RIN2: variants seen among roughly 807,000 people sequenced by gnomAD.
The protein encoded by RIN2 is Ras and Rab interactor 2.
In RIN2, 36 loss-of-function variants were observed where a neutral mutation model predicts 78.0. The observed-to-expected ratio is 0.46, with a 90% confidence interval of 0.35 to 0.61. RIN2 has a LOEUF of 0.61. Among genes scored for constraint, RIN2 ranks in the 20% least tolerant of loss-of-function variants. RIN2 has a pLI of 0.00. For missense variants in RIN2, 1,087 were observed against 1,159.7 expected, an observed-to-expected ratio of 0.94 and a Z score of 0.91; for synonymous variants, 466 against 466.8, an observed-to-expected ratio of 1.00 and a Z score of 0.02.
intron 2 of RIN2, among the ~76,000 whole-genome samples, chr20:19,802,965 T>A (rs78502184): frequency 1.3e-3 from 192 of 152,304 alleles, no homozygotes; most frequent in African/African-American, 4.4e-3. Flanking sequence ...CTCTTTTATC[T>A]TCTCTTGTTC....
At position 20,000,662 on chromosome 20, in the gene RIN2, A is replaced by G; in HGVS notation, c.2414A>G (p.Lys805Arg). The G allele has an allele frequency of 6.2e-7, 1 of 1,611,454 alleles. No homozygotes were observed. Among genetic ancestry groups the G allele is most frequent in the Non-Finnish European group, 8.5e-7 (1 of 1,177,752 alleles). ...GAGGTCAACAGTGGTTGCACAGGAA[A>G]GACCCTCCTTGTGAGACCTTACATC... ...FQEVNSGCTGKTLLVRPYITT... is the reference protein window; with the variant it reads ...FQEVNSGCTGRTLLVRPYITT... Residue 805 changes from lysine (K) to arginine (R), a missense_variant, in exon 13 of 13, where the codon AAG (lysine) becomes AGG (arginine). This residue lies in a region of RIN2 where 160 missense variants were observed against 179.4 expected (regional missense o/e 0.89). Coordinates refer to ENST00000255006, the MANE Select transcript of RIN2 (RefSeq NM_018993.4).
Position 19,868,644 on chromosome 20 carries a change from A to G in RIN2, c.-36-20922A>G, listed in dbSNP as rs913167882. On this transcript the variant is annotated intron_variant, in intron 2 of 12. Coordinates refer to ENST00000255006, the MANE Select transcript of RIN2 (RefSeq NM_018993.4). Reference sequence around the variant, plus strand: ...TAGGGGCACACAGCCTATGTGAGATAAACAGACAGCTATAATCATGATGTT... The same window carrying G: ...TAGGGGCACACAGCCTATGTGAGATGAACAGACAGCTATAATCATGATGTT... 2.0e-5 allele frequency among the ~76,000 whole-genome samples: 3 copies of G among 152,166 alleles called. No individual in the cohort carries two copies. The East Asian group carries it at 5.8e-4, about 29-fold the overall frequency.
At chr20:19,958,925 G>C (rs913368886) in intron 5 of RIN2, among the ~76,000 whole-genome samples, 1 of 152,120 alleles carries the variant, frequency 6.6e-6, no homozygotes, top group African/African-American at 2.4e-5. Flanking sequence ...GGCTAAAAGT[G>C]TGTGAAAAAG....
intron 9 of RIN2, among the ~76,000 whole-genome samples, chr20:19,989,322 G>A (rs2042723239): frequency 7.3e-6 from 1 of 136,492 alleles, no homozygotes; most frequent in Admixed American, 8.5e-5. Flanking sequence ...CACCCAGGTT[G>A]GAGTGCAGTG....
intron 2 of RIN2, among the ~76,000 whole-genome samples, chr20:19,859,036 G>A (rs2037251265): frequency 6.6e-6 from 1 of 152,250 alleles, no homozygotes; most frequent in African/African-American, 2.4e-5. Flanking sequence ...GGACTCTGGA[G>A]TCCATAGGGC....
intron 1 of RIN2, among the ~76,000 whole-genome samples, chr20:19,786,960 G>A (rs570346071): frequency 6.6e-6 from 1 of 152,158 alleles, no homozygotes; most frequent in Non-Finnish European, 1.5e-5. Context: ...GATAGGATAG[G>A]TTACTGGAGA....
chr20:19,761,837 C>G (rs1330819137), intron 1 of RIN2, among the ~76,000 whole-genome samples: 1 of 152,182 alleles, frequency 6.6e-6, no homozygotes. Context: ...GAGAGCACTG[C>G]CTTTTTGCTG....
chr20:19,914,072 GGA>G (rs2039584474), intron 3 of RIN2, among the ~76,000 whole-genome samples: 1 of 152,202 alleles, frequency 6.6e-6, no homozygotes, highest in Admixed American at 6.5e-5. Flanking sequence ...TTGCGGTCTA[GGA>G]GAGCCAGGTG....
At chr20:19,867,477 T>C (rs1222401604) in intron 2 of RIN2, among the ~76,000 whole-genome samples, 2 of 152,240 alleles carry the variant, frequency 1.3e-5, no homozygotes, top group Non-Finnish European at 2.9e-5. Context: ...AATTGAGTTG[T>C]CACTTCTGTT....
intron 11 of RIN2, among the ~76,000 whole-genome samples, chr20:19,993,274 G>T (rs200344885): frequency 4.6e-4 from 67 of 146,920 alleles, no homozygotes; most frequent in Non-Finnish European, 8.4e-4. Context: ...TCACGGTTTC[G>T]TTTTTTTTTT....
intron 1 of RIN2, among the ~76,000 whole-genome samples, chr20:19,788,382 G>C (rs1008122109): frequency 3.4e-5 from 5 of 146,258 alleles, no homozygotes; most frequent in African/African-American, 1.3e-4. Flanking sequence ...ATCACTTAAA[G>C]TCAGGAGTTC....
intron 3 of RIN2, among the ~76,000 whole-genome samples, chr20:19,892,637 A>G (rs2039598075): frequency 6.6e-6 from 1 of 152,050 alleles, no homozygotes; most frequent in Non-Finnish European, 1.5e-5. Flanking sequence ...CTGGCCTCCC[A>G]AACTGCTGGG....
intron 1 of RIN2, among the ~76,000 whole-genome samples, chr20:19,790,574 A>G (rs190227504): frequency 1.1e-3 from 172 of 152,262 alleles, no homozygotes; most frequent in Non-Finnish European, 2.0e-3. Flanking sequence ...GGAGGATGAC[A>G]TGAGTCCAGG....
At chr20:19,840,083 A>G (rs2036537470) in intron 2 of RIN2, among the ~76,000 whole-genome samples, 1 of 152,236 alleles carries the variant, frequency 6.6e-6, no homozygotes, top group Non-Finnish European at 1.5e-5. Flanking sequence ...TTCTTCTTCC[A>G]GCTTTATTGT....
In RIN2 at chr20:19,818,062, G is replaced by T. The variant is rs988384934; in HGVS notation, c.-37+18315G>T. On this transcript the variant is annotated intron_variant, in intron 2 of 12. Coordinates refer to ENST00000255006, the MANE Select transcript of RIN2 (RefSeq NM_018993.4). ...GCCCACTACACAGGTAGGCTATATG[G>T]TATAGTCTCTTGCTTCTGAGTTACA... Among the ~76,000 whole-genome samples the T allele has an allele frequency of 3.3e-5, 5 of 152,062 alleles. 1 individual carries two copies. The highest frequency in any genetic ancestry group is 3.3e-4 in the Admixed American group (5 of 15,252).
At chr20:19,809,073 T>G (rs1313135695) in intron 2 of RIN2, 1 of 152,312 alleles carries the variant, frequency 6.6e-6, no homozygotes, top group African/African-American at 2.4e-5. Flanking sequence ...AGCAGGTCTT[T>G]CCCATCAGGA....
At chr20:19,998,008 C>T (rs1007043991) in intron 12 of RIN2, among the ~76,000 whole-genome samples, 2 of 150,824 alleles carry the variant, frequency 1.3e-5, no homozygotes, top group African/African-American at 2.4e-5. Flanking sequence ...CAGAGTCTCG[C>T]TCTGTCACCC....
intron 2 of RIN2, among the ~76,000 whole-genome samples, chr20:19,833,992 G>A (rs2036330055): frequency 6.6e-6 from 1 of 152,012 alleles, no homozygotes; most frequent in South Asian, 2.1e-4. Flanking sequence ...GCCTGCACAA[G>A]GATCCCCTGT....
chr20:19,793,035 G>A (rs1227015883), intron 1 of RIN2, among the ~76,000 whole-genome samples: 1 of 149,328 alleles, frequency 6.7e-6, no homozygotes, highest in Non-Finnish European at 1.5e-5. Context: ...AAATACAGCA[G>A]CCCAGCCAAG....
Sources: gnomAD v4.1 joint callset for allele counts (sites outside exome capture counted in the v4.1 genomes callset) on GRCh38, gnomAD v4.1.1 for gene constraint, gnomAD v4.1.1 regional missense constraint, MANE v1.5 for transcripts, NCBI Gene and HGNC (gene_info 2026-07-23, HGNC 2026-07-21) for gene names.